Variants in MME observed in about 807,000 individuals in gnomAD.
MME encodes neprilysin.
Under a neutral mutation model 113.2 loss-of-function variants are expected in MME, and 98 were observed. The observed-to-expected ratio is 0.87, with a 90% CI of 0.74 to 1.02. MME has a LOEUF of 1.02. Among genes scored for constraint, MME ranks in the 50% least tolerant of loss-of-function variants. MME has a pLI of 0.00. For missense variants in MME, 836 were observed against 896.0 expected, an observed-to-expected ratio of 0.93 and a Z score of 0.86; for synonymous variants, 292 against 300.6, an observed-to-expected ratio of 0.97 and a Z score of 0.30.
intron 1 of MME, among the ~76,000 whole-genome samples, chr3:155,057,502 A>G (rs189230068): frequency 6.0e-4 from 91 of 152,046 alleles, no homozygotes; most frequent in African/African-American, 2.2e-3. Flanking sequence ...ATCTCTAAAC[A>G]GTTTTAAAGA....
chr3:155,127,265 T>C (rs189271354), intron 8 of MME, among the ~76,000 whole-genome samples: 222 of 152,272 alleles, frequency 1.5e-3, no homozygotes, highest in Admixed American at 2.9e-3. Flanking sequence ...GAAGCTCTGC[T>C]CCATGGGAAT....
intron 4 of MME, 58 bp downstream of exon 4, chr3:155,115,213 A>G: frequency 6.3e-7 from 1 of 1,582,366 alleles, no homozygotes; most frequent in Non-Finnish European, 8.7e-7. Context: ...TTCATTTTTT[A>G]AATATACAAT....
chr3:155,098,632 G>A (rs555597391), intron 3 of MME, among the ~76,000 whole-genome samples: 1 of 151,736 alleles, frequency 6.6e-6, no homozygotes, highest in Non-Finnish European at 1.5e-5. Flanking sequence ...ATAAAGAAAT[G>A]AAACAAACAA....
In MME at chr3:155,098,688, G is replaced by T. The variant is rs534308252; in HGVS notation, c.196+13594G>T. ...AGAATCAGAAGATTCTTATTGGAGAGGGGGGTTACTCGAGATGAAGATTTC... is the reference window on the plus strand; with the variant it reads ...AGAATCAGAAGATTCTTATTGGAGATGGGGGTTACTCGAGATGAAGATTTC... On this transcript the variant is annotated intron_variant, in intron 3 of 22. Coordinates refer to ENST00000360490, the MANE Select transcript of MME (RefSeq NM_007289.4). 4.6e-5 allele frequency among the ~76,000 whole-genome samples: 7 copies of T among 152,158 alleles called. No homozygotes were observed. In the South Asian group the frequency reaches 1.5e-3, roughly 32 times the overall value.
intron 12 of MME, 128 bp downstream of exon 12, chr3:155,142,458 C>T (rs1686849234): frequency 1.4e-6 from 1 of 723,946 alleles, no homozygotes; most frequent in Non-Finnish European, 2.4e-6. Context: ...AGTTCGTTAT[C>T]TTGCACATAT....
At chr3:155,176,469 A>G (rs1160922890) in intron 22 of MME, among the ~76,000 whole-genome samples, 2 of 152,212 alleles carry the variant, frequency 1.3e-5, no homozygotes, top group Non-Finnish European at 2.9e-5. Context: ...AGGATAATTC[A>G]TGTAATGTGA....
intron 1 of MME, among the ~76,000 whole-genome samples, chr3:155,064,375 A>G (rs1714315231): frequency 6.6e-6 from 1 of 152,150 alleles, no homozygotes; most frequent in African/African-American, 2.4e-5. Flanking sequence ...AATATTCAAT[A>G]ATGAAGGCAC....
At chr3:155,049,101 G>C (rs934996903) in intron 1 of MME, among the ~76,000 whole-genome samples, 3 of 151,884 alleles carry the variant, frequency 2.0e-5, no homozygotes, top group Non-Finnish European at 2.9e-5. Context: ...CTGAATGTAT[G>C]TTCTTCTTAA....
At chr3:155,158,707 A>G (rs1052235219) in intron 16 of MME, 1 of 152,048 alleles carries the variant, frequency 6.6e-6, no homozygotes, top group South Asian at 2.1e-4. Flanking sequence ...CCCTGGGTTT[A>G]CACATACATG....
At chr3:155,110,540 T>G (rs898785048) in intron 3 of MME, among the ~76,000 whole-genome samples, 2 of 152,210 alleles carry the variant, frequency 1.3e-5, no homozygotes, top group Admixed American at 6.5e-5. Flanking sequence ...GTTGGGAGAA[T>G]GTTACAAGAA....
intron 3 of MME, among the ~76,000 whole-genome samples, chr3:155,100,980 G>A (rs2108215703): frequency 6.6e-6 from 1 of 152,296 alleles, no homozygotes; most frequent in South Asian, 2.1e-4. Flanking sequence ...CCTGGTGGGA[G>A]GTATTTGGAT....
At chr3:155,119,410 CTTTTTTTT>C (rs781633297) in intron 8 of MME, among the ~76,000 whole-genome samples, 1 of 112,294 alleles carries the variant, frequency 8.9e-6, no homozygotes, top group Non-Finnish European at 1.9e-5. Context: ...TTCACGTGCT[CTTTTTTTT>C]TTTTTTTTTT....
At chr3:155,078,061 C>T (rs990035036), upstream of MME, among the ~76,000 whole-genome samples, 2 of 151,698 alleles carry the variant, frequency 1.3e-5, no homozygotes, top group African/African-American at 4.9e-5. Context: ...CACACACACA[C>T]ACACACACAC....
At chr3:155,141,937 AC>A in intron 10 of MME, 53 bp from the exon 11 acceptor site, 2 of 1,602,474 alleles carry the variant, frequency 1.2e-6, no homozygotes, top group Non-Finnish European at 1.7e-6. Context: ...TGAATCTTGG[AC>A]CCAAGAAGAG....
rs73875832 is a variant in MME at position 155,154,817 on chromosome 3, C to A, written c.1602-5573C>A. 5.9e-3 allele frequency among the ~76,000 whole-genome samples: 902 copies of A among 152,220 alleles called. 8 individuals carry two copies. The highest frequency in any genetic ancestry group is 0.021 in the African/African-American group (869 of 41,566). On this transcript the variant is annotated intron_variant, in intron 16 of 22. Coordinates refer to ENST00000360490, the MANE Select transcript of MME (RefSeq NM_007289.4). The stretch of plus-strand genomic sequence containing the variant: ...AAGTTGATAGTCTCTCGAGGGTGGG[C>A]AGGCGGAGCACCGGACACTTGAGAC...
At chr3:155,179,553 G>C (rs1307829430) in intron 22 of MME, among the ~76,000 whole-genome samples, 1 of 152,162 alleles carries the variant, frequency 6.6e-6, no homozygotes, top group Non-Finnish European at 1.5e-5. Flanking sequence ...CAGTCCACTT[G>C]TCTCTGGGCC....
At chr3:155,083,966 C>G (rs1191131429) in intron 1 of MME, 192 bp from the exon 2 acceptor site, 1 of 571,878 alleles carries the variant, frequency 1.7e-6, no homozygotes, top group East Asian at 3.0e-5. Context: ...AAGGTTGTGA[C>G]TGAGACCTGT....
At chr3:155,063,675 A>ATATTC in intron 1 of MME, among the ~76,000 whole-genome samples, 1 of 122,580 alleles carries the variant, frequency 8.2e-6, no homozygotes, top group Non-Finnish European at 1.7e-5. Flanking sequence ...ATTATATATT[A>ATATTC]TATTATATTA....
chr3:155,085,107 T>C lies in MME; in HGVS notation c.196+13T>C. ...TGCATAAAATCAGGTAAGAAATGGT[T>C]TTTACGTGTAATAGTTATACAACTG... On this transcript the variant is annotated intron_variant, in intron 3 of 22. Transcript: ENST00000360490. 6.5e-7 allele frequency: 1 copy of C among 1,548,568 alleles called. No homozygotes were observed. The highest frequency in any genetic ancestry group is 1.4e-5 in the African/African-American group (1 of 73,814).
Sources: gnomAD v4.1 joint callset for allele counts (sites outside exome capture counted in the v4.1 genomes callset) on GRCh38, gnomAD v4.1.1 for gene constraint, MANE v1.5 for transcripts, NCBI Gene and HGNC (gene_info 2026-07-23, HGNC 2026-07-21) for gene names.